Variants in NTM observed in about 807,000 individuals in gnomAD.
NTM encodes neurotrimin.
A neutral mutation model predicts 42.1 loss-of-function variants in NTM; 13 were observed. That is an observed-to-expected ratio of 0.31 (90% CI 0.20 to 0.49). The LOEUF (loss-of-function observed/expected upper bound fraction) is 0.49, where lower values mean the gene tolerates loss of function less well. Ranked by LOEUF, NTM falls within the 20% of genes least tolerant of loss-of-function variation. The pLI is 0.99. For missense variants in NTM, 373 were observed against 452.8 expected, an observed-to-expected ratio of 0.82 and a Z score of 1.60; for synonymous variants, 187 against 179.2, an observed-to-expected ratio of 1.04 and a Z score of -0.35.
chr11:132,243,679 A>G lies in NTM; in HGVS notation c.526+31532A>G, dbSNP rs150000581. 4.7e-4 allele frequency among the ~76,000 whole-genome samples: 71 copies of G among 152,322 alleles called. No homozygotes were observed. In the East Asian group the frequency reaches 0.012, roughly 26 times the overall value. ...GTGAGGTGACCTTCCGATGTACCCA[A>G]GCACCTTATGACAGTGTGTTTTTAC... On this transcript the variant is annotated intron_variant, in intron 4 of 8. Transcript: ENST00000683400.
At chr11:131,549,372 A>AT (rs556000248) in intron 1 of NTM, among the ~76,000 whole-genome samples, 2 of 152,004 alleles carry the variant, frequency 1.3e-5, no homozygotes, top group East Asian at 1.9e-4. Context: ...CAGGCACAAA[A>AT]TTTTTTTTAA....
At chr11:132,001,221 G>A (rs929965831) in intron 2 of NTM, among the ~76,000 whole-genome samples, 3 of 152,208 alleles carry the variant, frequency 2.0e-5, no homozygotes, top group Admixed American at 2.0e-4. Flanking sequence ...CTGAATGCCT[G>A]CTGTGTACAA....
chr11:132,277,054 T>C (rs1372798202), intron 4 of NTM, among the ~76,000 whole-genome samples: 2 of 152,356 alleles, frequency 1.3e-5, no homozygotes, highest in South Asian at 2.1e-4. Flanking sequence ...CAGTGCTTTG[T>C]AAATTCCTTA....
chr11:132,097,939 C>A (rs541203806), intron 2 of NTM, among the ~76,000 whole-genome samples: 1 of 152,304 alleles, frequency 6.6e-6, no homozygotes, highest in East Asian at 1.9e-4. Context: ...CAAACTTTAC[C>A]CTTGGGAATA....
intron 2 of NTM, among the ~76,000 whole-genome samples, chr11:132,125,415 T>C (rs12291690): frequency 0.4 from 59,499 of 148,230 alleles, 11,895 homozygotes; most frequent in African/African-American, 0.46. Context: ...GTGTGTGCTA[T>C]GTGATGTATG....
chr11:132,134,718 T>G (rs1463661608), intron 2 of NTM, among the ~76,000 whole-genome samples: 1 of 44,424 alleles, frequency 2.3e-5, no homozygotes, highest in African/African-American at 2.3e-4. Flanking sequence ...TATATATATA[T>G]ATATATATAT....
chr11:131,433,061 G>A (rs1204973186), intron 1 of NTM, among the ~76,000 whole-genome samples: 1 of 151,722 alleles, frequency 6.6e-6, no homozygotes, highest in African/African-American at 2.4e-5. Context: ...GTTTCACCAT[G>A]TTAGGCAGGA....
intron 2 of NTM, among the ~76,000 whole-genome samples, chr11:132,007,047 G>A (rs2135377423): frequency 6.6e-6 from 1 of 152,320 alleles, no homozygotes; most frequent in East Asian, 1.9e-4. Context: ...TGACTTTCAA[G>A]ACTGTGACTG....
chr11:131,635,886 T>G (rs2064305411), intron 1 of NTM, among the ~76,000 whole-genome samples: 1 of 152,194 alleles, frequency 6.6e-6, no homozygotes, highest in African/African-American at 2.4e-5. Flanking sequence ...CTTTCCTCTG[T>G]TTTGTTATAT....
intron 2 of NTM, among the ~76,000 whole-genome samples, chr11:132,014,075 C>T (rs1022365003): frequency 1.3e-4 from 20 of 151,996 alleles, no homozygotes; most frequent in Admixed American, 2.0e-4. Flanking sequence ...TCACATCCTT[C>T]GGTAATAATC....
Position 131,873,521 on chromosome 11 carries a change from A to AGTGTGTGT in NTM, c.83-38032_83-38025dup, listed in dbSNP as rs71067341. On this transcript the variant is annotated intron_variant, in intron 1 of 8. Transcript: ENST00000683400. ...TCTGCACATGTATCCCAGAACTTAA[A>AGTGTGTGT]GTGTGTGTGTGTGTGTGTATATATA... is the stretch of plus-strand genomic sequence containing the variant. Among the ~76,000 whole-genome samples, 132 of 52,376 alleles carry AGTGTGTGT rather than the reference A, an allele frequency of 2.5e-3. 4 individuals are homozygous for AGTGTGTGT. The highest frequency in any genetic ancestry group is 6.9e-3 in the African/African-American group (129 of 18,612). The allele number at this position is 52,376 out of a possible 152,430, so 34.4% of individuals were successfully genotyped here.
At chr11:131,517,478 G>A (rs1259510053) in intron 1 of NTM, among the ~76,000 whole-genome samples, 2 of 152,170 alleles carry the variant, frequency 1.3e-5, no homozygotes, top group African/African-American at 2.4e-5. Context: ...GCTGGAAAAT[G>A]GGGGAGTAGA....
intron 1 of NTM, among the ~76,000 whole-genome samples, chr11:131,518,296 C>A (rs1012627128): frequency 6.6e-6 from 1 of 152,160 alleles, no homozygotes; most frequent in Non-Finnish European, 1.5e-5. Flanking sequence ...GGACTGGAAC[C>A]TGGATCTTCA....
chr11:132,154,053 G>A (rs2072598973), intron 3 of NTM, among the ~76,000 whole-genome samples: 1 of 152,182 alleles, frequency 6.6e-6, no homozygotes, highest in South Asian at 2.1e-4. Flanking sequence ...GGCTGAACGT[G>A]TATGTTGTGT....
At chr11:131,518,022 A>G (rs1454496288) in intron 1 of NTM, among the ~76,000 whole-genome samples, 3 of 152,212 alleles carry the variant, frequency 2.0e-5, no homozygotes, top group Non-Finnish European at 4.4e-5. Flanking sequence ...ATTCCATTTT[A>G]TAGCTTCTTG....
chr11:132,329,982 G>A (rs2095766308), intron 7 of NTM, 171 bp from the exon 8 acceptor site: 2 of 602,782 alleles, frequency 3.3e-6, no homozygotes, highest in African/African-American at 4.0e-5. Flanking sequence ...ACCAGAGGGG[G>A]GTCACATAGG....
intron 2 of NTM, among the ~76,000 whole-genome samples, chr11:131,947,570 G>A (rs1452063268): frequency 1.3e-5 from 2 of 152,164 alleles, no homozygotes; most frequent in African/African-American, 2.4e-5. Flanking sequence ...GATGATACAC[G>A]CTGGTATGAA....
chr11:131,575,648 T>C (rs1210131916), intron 1 of NTM, among the ~76,000 whole-genome samples: 1 of 152,226 alleles, frequency 6.6e-6, no homozygotes, highest in Non-Finnish European at 1.5e-5. Flanking sequence ...TTTCACTCTA[T>C]TTCCTTCTAC....
intron 2 of NTM, among the ~76,000 whole-genome samples, chr11:132,081,450 T>G (rs1312012187): frequency 2.0e-5 from 3 of 152,260 alleles, no homozygotes; most frequent in Admixed American, 2.0e-4. Context: ...CCAGAGTGGT[T>G]GGCCAGGCAC....
Sources: gnomAD v4.1 joint callset for allele counts (sites outside exome capture counted in the v4.1 genomes callset) on GRCh38, gnomAD v4.1.1 for gene constraint, MANE v1.5 for transcripts, NCBI Gene and HGNC (gene_info 2026-07-23, HGNC 2026-07-21) for gene names.